The following BRINP1 variants were observed in gnomAD, a reference collection of about 807,000 sequenced individuals.
The protein encoded by BRINP1 is BMP/retinoic acid-inducible neural-specific protein 1.
BRINP1 carries 17 observed loss-of-function variants against 72.9 expected under a neutral mutation model. The ratio of observed to expected loss-of-function variants is 0.23; its 90% confidence interval spans 0.16 to 0.35. The LOEUF is 0.35. Ranked by LOEUF, BRINP1 falls within the 10% of genes least tolerant of loss-of-function variation. The probability of loss-of-function intolerance (pLI) is 1.00; values close to 1 mark genes in which losing one functional copy is unlikely to be tolerated. For missense variants in BRINP1, 850 were observed against 1,001.6 expected (o/e 0.85, Z 2.04); for synonymous variants, 418 against 378.5 (o/e 1.10, Z -1.21).
intron 7 of BRINP1, among the ~76,000 whole-genome samples, chr9:119,183,209 T>C (rs1346699106): frequency 1.3e-5 from 2 of 152,208 alleles, no homozygotes; most frequent in Non-Finnish European, 2.9e-5. Context: ...TAAAGACATG[T>C]ATAAGATTGC....
At chr9:119,290,745 CT>C (rs1390813753) in intron 2 of BRINP1, among the ~76,000 whole-genome samples, 19 of 152,234 alleles carry the variant, frequency 1.2e-4, no homozygotes, top group African/African-American at 4.6e-4. Flanking sequence ...ATATGGAAGA[CT>C]TCAATAAAAC....
chr9:119,176,494 G>C (rs923771457), intron 7 of BRINP1, among the ~76,000 whole-genome samples: 2 of 152,184 alleles, frequency 1.3e-5, no homozygotes, highest in African/African-American at 4.8e-5. Context: ...GAAAAGTATG[G>C]TTGTTGGCCC....
At chr9:119,193,898 G>A (rs1182693415) in intron 7 of BRINP1, among the ~76,000 whole-genome samples, 1 of 152,178 alleles carries the variant, frequency 6.6e-6, no homozygotes, top group Non-Finnish European at 1.5e-5. Context: ...ATAGTTTATA[G>A]GTGTGGGCCT....
intron 2 of BRINP1, among the ~76,000 whole-genome samples, chr9:119,309,849 T>C (rs985343027): frequency 6.6e-6 from 1 of 152,170 alleles, no homozygotes; most frequent in African/African-American, 2.4e-5. Flanking sequence ...TTGTAATCTA[T>C]TGGGTTTTTT....
chr9:119,240,131 T>C (rs1830232863), intron 4 of BRINP1, among the ~76,000 whole-genome samples: 2 of 152,096 alleles, frequency 1.3e-5, no homozygotes, highest in African/African-American at 4.8e-5. Flanking sequence ...TAGCTGGGCA[T>C]GGTGGCGCGC....
At chr9:119,312,672 A>G (rs1273317910) in intron 2 of BRINP1, among the ~76,000 whole-genome samples, 1 of 152,196 alleles carries the variant, frequency 6.6e-6, no homozygotes. Context: ...CATCAGCAGC[A>G]TTCTCAAAAC....
intron 7 of BRINP1, among the ~76,000 whole-genome samples, chr9:119,168,982 G>C (rs1321111401): frequency 1.3e-5 from 2 of 152,156 alleles, no homozygotes; most frequent in African/African-American, 4.8e-5. Context: ...CCATTATTGG[G>C]TATATACCCA....
chr9:119,172,219 A>AATTG (rs753990041), intron 7 of BRINP1, among the ~76,000 whole-genome samples: 24 of 152,216 alleles, frequency 1.6e-4, no homozygotes, highest in African/African-American at 1.2e-4. Flanking sequence ...GGATCAACAA[A>AATTG]ATTGATAGAC....
chr9:119,334,467 G>A (rs1470443184), intron 1 of BRINP1, among the ~76,000 whole-genome samples: 1 of 152,186 alleles, frequency 6.6e-6, no homozygotes, highest in Non-Finnish European at 1.5e-5. Context: ...CCAGCCATAG[G>A]AATTCAACAA....
At chr9:119,346,768 T>C (rs1831456788) in intron 1 of BRINP1, among the ~76,000 whole-genome samples, 1 of 152,228 alleles carries the variant, frequency 6.6e-6, no homozygotes, top group African/African-American at 2.4e-5. Context: ...GATTCTATGG[T>C]GTTTCCTTCA....
In BRINP1 at chr9:119,207,078, AAG is replaced by A. The variant is rs576027279; in HGVS notation, c.1145+1639_1145+1640del. On this transcript the variant is annotated intron_variant, in intron 7 of 7. Transcript: ENST00000265922. The stretch of plus-strand genomic sequence containing the variant: ...AAGGAGGAGGTTTCATAAGGGGGGA[AAG>A]AGAGAGAAATATGCTAAGGAAAGGA... Among the ~76,000 whole-genome samples the A allele has an allele frequency of 1.7e-3, 256 of 152,334 alleles. 2 individuals carry two copies. Among genetic ancestry groups the A allele is most frequent in the African/African-American group, 5.8e-3 (243 of 41,582 alleles).
intron 3 of BRINP1, among the ~76,000 whole-genome samples, chr9:119,248,160 T>C (rs1486762173): frequency 6.6e-6 from 1 of 152,186 alleles, no homozygotes; most frequent in African/African-American, 2.4e-5. Context: ...TGTATCAATA[T>C]GCCAATCTCT....
chr9:119,285,264 A>G (rs1009329722), intron 2 of BRINP1, among the ~76,000 whole-genome samples: 8 of 151,998 alleles, frequency 5.3e-5, no homozygotes, highest in Admixed American at 3.9e-4. Context: ...GGTACAAGCC[A>G]GTGAGAAAGA....
rs529750387 is a variant in BRINP1, at chr9:119,243,449, A to C, written c.410-1233T>G. Among the ~76,000 whole-genome samples the C allele has an allele frequency of 2.0e-5, 3 of 152,300 alleles. No homozygotes were observed. The East Asian group carries it at 5.8e-4, about 29-fold the overall frequency. On this transcript the variant is annotated intron_variant, in intron 3 of 7. Transcript: ENST00000265922. Reference sequence around the variant, plus strand: ...GTACCACATTTTCTTTATCCAGTCTATCATTGATAGGCATTTGAGTTGATT... The same window carrying C: ...GTACCACATTTTCTTTATCCAGTCTCTCATTGATAGGCATTTGAGTTGATT...
At chr9:119,174,490 GA>G (rs1362139328) in intron 7 of BRINP1, among the ~76,000 whole-genome samples, 1 of 143,332 alleles carries the variant, frequency 7.0e-6, no homozygotes, top group Non-Finnish European at 1.5e-5. Flanking sequence ...AGGATGTGGA[GA>G]AATAGGAACA....
intron 7 of BRINP1, among the ~76,000 whole-genome samples, chr9:119,175,706 A>C (rs1269112485): frequency 3.3e-5 from 5 of 152,288 alleles, no homozygotes; most frequent in Middle Eastern, 3.4e-3. Context: ...ATCAGATAAG[A>C]AGCAGCATCA....
chr9:119,172,941 C>T (rs2118825040), intron 7 of BRINP1, among the ~76,000 whole-genome samples: 1 of 150,914 alleles, frequency 6.6e-6, no homozygotes, highest in Non-Finnish European at 1.5e-5. Context: ...ACCCTTCATG[C>T]TAAAAACTCT....
Position 119,345,607 on chromosome 9 carries a change from C to T in BRINP1, c.-51+23449G>A, listed in dbSNP as rs114576495. Reference sequence around the variant, plus strand: ...TTTTTCAACTTCTCCATCCCATGCACGTTAGCCATCTCTAAAGTTGTACCA... The same window carrying T: ...TTTTTCAACTTCTCCATCCCATGCATGTTAGCCATCTCTAAAGTTGTACCA... On this transcript the variant is annotated intron_variant, in intron 1 of 7. Transcript: ENST00000265922. Among the ~76,000 whole-genome samples the T allele has an allele frequency of 3.5e-3, 526 of 152,266 alleles. 5 individuals carry two copies. The highest frequency in any genetic ancestry group is 8.5e-3 in the African/African-American group (352 of 41,554).
At chr9:119,218,204 ATTTTT>A (rs139945643) in intron 5 of BRINP1, among the ~76,000 whole-genome samples, 4 of 122,968 alleles carry the variant, frequency 3.3e-5, no homozygotes, top group Non-Finnish European at 3.4e-5. Flanking sequence ...TCAAATAAAT[ATTTTT>A]TTTTTTTTTT....
Sources: gnomAD v4.1 joint callset for allele counts (sites outside exome capture counted in the v4.1 genomes callset) on GRCh38, gnomAD v4.1.1 for gene constraint, MANE v1.5 for transcripts, NCBI Gene and HGNC (gene_info 2026-07-23, HGNC 2026-07-21) for gene names.